LRMDA: variants seen among roughly 807,000 people sequenced by gnomAD.
LRMDA encodes leucine rich melanocyte differentiation associated.
Under a neutral mutation model 29.8 loss-of-function variants are expected in LRMDA, and 18 were observed. That is an observed-to-expected ratio of 0.60 (90% CI 0.42 to 0.90). The LOEUF is 0.90. LRMDA is among the 40% of genes least tolerant of loss of function. The probability of loss-of-function intolerance (pLI) is 0.00; values close to 1 mark genes in which losing one functional copy is unlikely to be tolerated. For missense variants in LRMDA, 273 were observed against 273.9 expected, an observed-to-expected ratio of 1.00 and a Z score of 0.02; for synonymous variants, 125 against 109.4, an observed-to-expected ratio of 1.14 and a Z score of -0.89.
intron 4 of LRMDA, among the ~76,000 whole-genome samples, chr10:76,050,011 A>G (rs983016269): frequency 1.3e-5 from 2 of 152,248 alleles, no homozygotes; most frequent in African/African-American, 4.8e-5. Context: ...TTCAGAAGCA[A>G]GAACCCATGG....
intron 6 of LRMDA, among the ~76,000 whole-genome samples, chr10:76,419,406 T>C (rs138962343): frequency 2.0e-5 from 3 of 152,250 alleles, no homozygotes; most frequent in African/African-American, 7.2e-5. Context: ...CCATGTCATG[T>C]TATCACTTGA....
chr10:76,297,405 C>T (rs762914809), intron 5 of LRMDA, among the ~76,000 whole-genome samples: 3 of 152,150 alleles, frequency 2.0e-5, no homozygotes, highest in African/African-American at 2.4e-5. Flanking sequence ...GCCTAGATTC[C>T]GCAACACAAA....
At chr10:76,055,102 AAAAGAAAGAAAC>A (rs1848592036) in intron 4 of LRMDA, among the ~76,000 whole-genome samples, 1 of 150,052 alleles carries the variant, frequency 6.7e-6, no homozygotes, top group African/African-American at 2.5e-5. Flanking sequence ...AAAGAAAAAG[AAAAGAAAGAAAC>A]AAAGAAAGGA....
chr10:75,745,825 T>C (rs1842883763), intron 2 of LRMDA, among the ~76,000 whole-genome samples: 1 of 152,218 alleles, frequency 6.6e-6, no homozygotes, highest in Non-Finnish European at 1.5e-5. Flanking sequence ...CTTTGTTTTT[T>C]CGTGATGACC....
At chr10:75,667,647 G>A (rs78428385) in intron 2 of LRMDA, among the ~76,000 whole-genome samples, 4,631 of 152,182 alleles carry the variant, frequency 0.03, 248 homozygotes, top group African/African-American at 0.11. Flanking sequence ...GTCACTGTTG[G>A]GTAGGATGTT....
At chr10:76,421,850 A>G (rs1842074794) in intron 6 of LRMDA, among the ~76,000 whole-genome samples, 1 of 152,158 alleles carries the variant, frequency 6.6e-6, no homozygotes, top group Admixed American at 6.5e-5. Flanking sequence ...ATGCCACATG[A>G]TATTTCATAC....
chr10:75,632,395 G>A (rs1841335073), intron 2 of LRMDA, among the ~76,000 whole-genome samples: 1 of 152,142 alleles, frequency 6.6e-6, no homozygotes, highest in South Asian at 2.1e-4. Context: ...AGAAAAGAGT[G>A]TTGTGTTATC....
intron 5 of LRMDA, among the ~76,000 whole-genome samples, chr10:76,180,873 C>T (rs975362676): frequency 3.9e-5 from 6 of 152,146 alleles, no homozygotes; most frequent in African/African-American, 9.7e-5. Flanking sequence ...TATCAATCTA[C>T]CCTAGAGTCT....
At chr10:75,764,888 C>T (rs1001663836) in intron 2 of LRMDA, among the ~76,000 whole-genome samples, 2 of 150,998 alleles carry the variant, frequency 1.3e-5, no homozygotes, top group Non-Finnish European at 2.9e-5. Context: ...TTCAAGGGTC[C>T]GGCTGTGGAG....
chr10:75,681,564 C>T (rs1488345824), intron 2 of LRMDA, among the ~76,000 whole-genome samples: 5 of 152,122 alleles, frequency 3.3e-5, no homozygotes, highest in Non-Finnish European at 7.3e-5. Flanking sequence ...ACAGGCTGAC[C>T]CTTCAGGGAC....
chr10:76,041,319 T>C (rs912141864), intron 3 of LRMDA, among the ~76,000 whole-genome samples: 8 of 152,194 alleles, frequency 5.3e-5, no homozygotes, highest in Non-Finnish European at 8.8e-5. Context: ...ATTTTGCTTT[T>C]GTGTTAGGAA....
intron 6 of LRMDA, among the ~76,000 whole-genome samples, chr10:76,455,925 A>G (rs1842452618): frequency 6.6e-6 from 1 of 152,180 alleles, no homozygotes; most frequent in African/African-American, 2.4e-5. Flanking sequence ...TAGAAGGGCC[A>G]CATCAACTTG....
chr10:75,709,759 G>A (rs768750003), intron 2 of LRMDA, among the ~76,000 whole-genome samples: 4 of 152,088 alleles, frequency 2.6e-5, no homozygotes, highest in Non-Finnish European at 5.9e-5. Flanking sequence ...AAGAGGAAGG[G>A]GCTCAAGGTA....
At chr10:76,339,757 A>G (rs1841014551) in intron 6 of LRMDA, among the ~76,000 whole-genome samples, 1 of 152,032 alleles carries the variant, frequency 6.6e-6, no homozygotes, top group Non-Finnish European at 1.5e-5. Flanking sequence ...TCTAAGTAAA[A>G]CAAGTAATTT....
At chr10:76,010,394 C>T (rs1329038646) in intron 2 of LRMDA, among the ~76,000 whole-genome samples, 11 of 150,540 alleles carry the variant, frequency 7.3e-5, no homozygotes, top group African/African-American at 2.7e-4. Context: ...CTCACTGCAA[C>T]CTCCGCCTCC....
intron 2 of LRMDA, among the ~76,000 whole-genome samples, chr10:75,632,651 T>C (rs905998933): frequency 1.3e-5 from 2 of 152,114 alleles, no homozygotes; most frequent in South Asian, 2.1e-4. Flanking sequence ...TTTTCCCTGA[T>C]ATGTGCCTTG....
intron 2 of LRMDA, among the ~76,000 whole-genome samples, chr10:75,752,721 G>A (rs972578725): frequency 6.6e-6 from 1 of 152,254 alleles, no homozygotes; most frequent in East Asian, 1.9e-4. Flanking sequence ...TCTTAGGTAT[G>A]TTCTCAGTTT....
At chr10:75,442,445 T>C (rs1844339082) in intron 2 of LRMDA, among the ~76,000 whole-genome samples, 1 of 152,254 alleles carries the variant, frequency 6.6e-6, no homozygotes, top group Non-Finnish European at 1.5e-5. Flanking sequence ...TGGTGTGAGA[T>C]AAGAGATCAG....
At chr10:75,900,923 T>C (rs1005805866) in intron 2 of LRMDA, among the ~76,000 whole-genome samples, 1 of 152,230 alleles carries the variant, frequency 6.6e-6, no homozygotes, top group Admixed American at 6.5e-5. Flanking sequence ...ATAATCATAT[T>C]TGCAGAGATT....
Sources: gnomAD v4.1 joint callset for allele counts (sites outside exome capture counted in the v4.1 genomes callset) on GRCh38, gnomAD v4.1.1 for gene constraint, MANE v1.5 for transcripts, NCBI Gene and HGNC (gene_info 2026-07-23, HGNC 2026-07-21) for gene names.